The following SIRPG variants were observed in gnomAD, a reference collection of about 807,000 sequenced individuals.
SIRPG encodes signal regulatory protein gamma.
Under a neutral mutation model 35.7 loss-of-function variants are expected in SIRPG, and 38 were observed. That is an observed-to-expected ratio of 1.06 (90% confidence interval 0.82 to 1.40). The LOEUF is 1.40. SIRPG is among the 40% of genes most tolerant of loss of function. The pLI, the probability that SIRPG is intolerant of heterozygous loss-of-function variation, is 0.00. For missense variants in SIRPG, 519 were observed against 483.0 expected (o/e 1.07, Z -0.70); for synonymous variants, 215 against 190.4 (o/e 1.13, Z -1.06).
intron 2 of SIRPG, among the ~76,000 whole-genome samples, chr20:1,641,332 T>C (rs2091850494): frequency 6.6e-6 from 1 of 152,172 alleles, no homozygotes; most frequent in African/African-American, 2.4e-5. Flanking sequence ...TTTGGTTTAG[T>C]CTTGGGAGGG....
At chr20:1,645,399 C>T (rs1032387286) in intron 2 of SIRPG, among the ~76,000 whole-genome samples, 25 of 152,100 alleles carry the variant, frequency 1.6e-4, no homozygotes, top group African/African-American at 5.8e-4. Flanking sequence ...ATCCTGGGTC[C>T]AGGTTTGTAA....
At chr20:1,645,838 A>G (rs1030383484) in intron 2 of SIRPG, among the ~76,000 whole-genome samples, 3 of 152,132 alleles carry the variant, frequency 2.0e-5, no homozygotes, top group Non-Finnish European at 2.9e-5. Context: ...CTCTGTGCAC[A>G]TCCTCTCCGA....
chr20:1,683,825 C>T, the SIRPG span, among the ~76,000 whole-genome samples: 32 of 152,026 alleles, frequency 2.1e-4, no homozygotes, highest in African/African-American at 6.0e-4. Flanking sequence ...AAAAATTAGC[C>T]GGGCATGGTG....
the SIRPG span, among the ~76,000 whole-genome samples, chr20:1,668,194 TTTTCTTTTCTTTC>T: frequency 0.01 from 1,213 of 117,730 alleles, 20 homozygotes; most frequent in East Asian, 0.016. Context: ...TTTCTTTTTC[TTTTCTTTTCTTTC>T]TTTCTTTCTT....
Position 1,634,356 on chromosome 20 carries a change from G to A in SIRPG, c.1081+911C>T, listed in dbSNP as rs184247285. Among the ~76,000 whole-genome samples the A allele has an allele frequency of 6.5e-3, 985 of 151,866 alleles. 11 individuals are homozygous for A. The highest frequency in any genetic ancestry group is 0.023 in the African/African-American group (952 of 41,378). Reference sequence around the variant, plus strand: ...CGAGTAGCTGGGACTACAGGCGCCCGCCACCACGCCCGGCTCATTTTTTTG... The same window carrying A: ...CGAGTAGCTGGGACTACAGGCGCCCACCACCACGCCCGGCTCATTTTTTTG... On this transcript the variant is annotated intron_variant, in intron 4 of 5. Coordinates refer to ENST00000303415, the MANE Select transcript of SIRPG (RefSeq NM_018556.4).
intron 1 of SIRPG, among the ~76,000 whole-genome samples, chr20:1,656,247 C>G (rs1481535405): frequency 1.3e-5 from 2 of 152,178 alleles, no homozygotes; most frequent in Non-Finnish European, 2.9e-5. Flanking sequence ...ACTGGTCAAC[C>G]TGGACTTGAT....
the SIRPG span, among the ~76,000 whole-genome samples, chr20:1,676,344 T>C: frequency 6.6e-6 from 1 of 152,224 alleles, no homozygotes; most frequent in African/African-American, 2.4e-5. Context: ...GGTCACCCAC[T>C]GCAGGGTTCT....
At chr20:1,674,109 T>C in the SIRPG span, among the ~76,000 whole-genome samples, 1 of 152,204 alleles carries the variant, frequency 6.6e-6, no homozygotes, top group Admixed American at 6.5e-5. Context: ...GCTAGGGGGC[T>C]GTGTATTAGA....
intron 4 of SIRPG, among the ~76,000 whole-genome samples, chr20:1,634,666 CACA>C (rs952882979): frequency 8.5e-5 from 13 of 152,198 alleles, no homozygotes; most frequent in African/African-American, 3.1e-4. Flanking sequence ...GAGAAACGGG[CACA>C]ACAACTCTCA....
At chr20:1,672,741 TTTGTTG>T in the SIRPG span, among the ~76,000 whole-genome samples, 7 of 150,894 alleles carry the variant, frequency 4.6e-5, no homozygotes, top group Non-Finnish European at 8.9e-5. Context: ...CGGCCAATCA[TTTGTTG>T]TTGTTGTTGT....
intron 2 of SIRPG, 118 bp from the exon 3 acceptor site, chr20:1,636,623 G>A: frequency 8.8e-7 from 1 of 1,139,974 alleles, no homozygotes; most frequent in Non-Finnish European, 1.3e-6. Context: ...TAATAATGTG[G>A]AGAGGATGGT....
At chr20:1,656,839 G>T (rs1187683808) in intron 1 of SIRPG, among the ~76,000 whole-genome samples, 3 of 152,178 alleles carry the variant, frequency 2.0e-5, no homozygotes, top group African/African-American at 7.2e-5. Flanking sequence ...ACCATATTTG[G>T]AGACAAGGTC....
chr20:1,663,661 G>A, the SIRPG span, among the ~76,000 whole-genome samples: 39 of 152,370 alleles, frequency 2.6e-4, no homozygotes, highest in African/African-American at 9.1e-4. Flanking sequence ...CATCTCATCA[G>A]TGGACATAAG....
At chr20:1,658,500 A>G (rs866331119), upstream of SIRPG, among the ~76,000 whole-genome samples, 1 of 152,136 alleles carries the variant, frequency 6.6e-6, no homozygotes, top group Admixed American at 6.5e-5. Context: ...TTTCTTCTAC[A>G]CACAGAGCAC....
the SIRPG span, among the ~76,000 whole-genome samples, chr20:1,680,974 T>C: frequency 3.0e-4 from 46 of 152,364 alleles, 1 homozygote; most frequent in East Asian, 8.1e-3. Flanking sequence ...TATTCACCAG[T>C]GCACCCAACA....
At chr20:1,653,245 G>A (rs928742755) in intron 1 of SIRPG, among the ~76,000 whole-genome samples, 8 of 152,196 alleles carry the variant, frequency 5.3e-5, no homozygotes, top group Non-Finnish European at 1.2e-4. Flanking sequence ...TCAAATCGTA[G>A]CTCTACCAGT....
chr20:1,669,373 G>A, the SIRPG span, among the ~76,000 whole-genome samples: 2 of 152,204 alleles, frequency 1.3e-5, no homozygotes, highest in East Asian at 1.9e-4. Context: ...AAATTTGCAC[G>A]TAGTAAATGT....
chr20:1,635,795 G>A (rs1203854353), intron 3 of SIRPG, among the ~76,000 whole-genome samples, 196 bp from the exon 4 acceptor site: 1 of 152,174 alleles, frequency 6.6e-6, no homozygotes, highest in Non-Finnish European at 1.5e-5. Context: ...CACAGTAGGT[G>A]CTCAAGGACT....
chr20:1,680,176 C>T, the SIRPG span, among the ~76,000 whole-genome samples: 13 of 152,184 alleles, frequency 8.5e-5, no homozygotes, highest in African/African-American at 3.1e-4. Context: ...AAAAATACCT[C>T]TTCTCTATAA....
Sources: allele counts gnomAD v4.1 joint callset (sites outside exome capture counted in the v4.1 genomes callset), GRCh38; gene constraint gnomAD v4.1.1; transcripts MANE v1.5; gene names NCBI Gene and HGNC (gene_info 2026-07-23, HGNC 2026-07-21).